COPB2: variants seen among roughly 807,000 people sequenced by gnomAD.
The protein encoded by COPB2 is coat protein complex I subunit beta 2.
A neutral mutation model predicts 120.8 loss-of-function variants in COPB2; 16 were observed. The observed-to-expected ratio is 0.13, with a 90% CI of 0.09 to 0.20. COPB2 has a LOEUF of 0.20. Among genes scored for constraint, COPB2 ranks in the 10% least tolerant of loss-of-function variants. The pLI is 1.00. For missense variants in COPB2, 794 were observed against 1,076.5 expected (o/e 0.74, Z 3.67); for synonymous variants, 332 against 366.3 (o/e 0.91, Z 1.07).
At chr3:139,367,241 G>A in intron 13 of COPB2, 96 bp from the exon 14 acceptor site, 2 of 1,358,544 alleles carry the variant, frequency 1.5e-6, no homozygotes, top group Non-Finnish European at 2.0e-6. Context: ...GCAGAATAAG[G>A]AATGCAAAGT....
intron 1 of COPB2, among the ~76,000 whole-genome samples, chr3:139,384,483 C>A (rs1392781296): frequency 6.6e-6 from 1 of 152,182 alleles, no homozygotes; most frequent in Admixed American, 6.5e-5. Context: ...GACCAGCCAA[C>A]CTCTTTCAGG....
At chr3:139,359,200 C>A in intron 18 of COPB2, 22 bp from the exon 19 acceptor site, 1 of 1,611,688 alleles carries the variant, frequency 6.2e-7, no homozygotes, top group Non-Finnish European at 8.5e-7. Context: ...ATCATGGAAC[C>A]AAAGAGAGAC....
At chr3:139,374,803 C>T (rs7636369) in intron 6 of COPB2, among the ~76,000 whole-genome samples, 136,003 of 152,178 alleles carry the variant, frequency 0.89, 61,541 homozygotes, top group East Asian at 0.97. Flanking sequence ...GTAACTATCA[C>T]ATTTAAAGAA....
Position 139,368,142 on chromosome 3 carries a change from T to C in COPB2, c.1545+3A>G, listed in dbSNP as rs375298424. ...AAAGCGAAAGTTGTGCTGATGCAAT[T>C]ACCTCAAAGGCATCTTCAATGCCAT... On this transcript the variant is annotated splice_donor_region_variant and intron_variant, in intron 13 of 21. Transcript: ENST00000333188. The C allele has an allele frequency of 3.1e-5, 50 of 1,608,180 alleles. No homozygotes were observed. In the African/African-American group the frequency reaches 5.2e-4, roughly 17 times the overall value.
intron 5 of COPB2, among the ~76,000 whole-genome samples, chr3:139,376,746 TAA>T (rs1941718953): frequency 6.6e-6 from 1 of 152,196 alleles, no homozygotes; most frequent in East Asian, 1.9e-4. Context: ...TTTAATTAAT[TAA>T]TTAATTTATT....
At chr3:139,371,880 A>G (rs780509307) in intron 9 of COPB2, 47 bp from the exon 10 acceptor site, 1 of 1,425,918 alleles carries the variant, frequency 7.0e-7, no homozygotes, top group Non-Finnish European at 9.8e-7. Context: ...GACCAAAGAC[A>G]TGTAGAAGTT....
chr3:139,386,672 C>G (rs772993135), intron 1 of COPB2, among the ~76,000 whole-genome samples: 4 of 152,048 alleles, frequency 2.6e-5, no homozygotes, highest in Non-Finnish European at 5.9e-5. Flanking sequence ...TATGAAGAGT[C>G]TATTATGTAC....
In COPB2 at chr3:139,358,230, C is replaced by T. The variant is rs994723101; in HGVS notation, c.2595G>A (p.Val865=). 6.2e-7 allele frequency: 1 copy of T among 1,613,966 alleles called. No individual in the cohort carries two copies. The highest frequency in any genetic ancestry group is 1.3e-5 in the African/African-American group (1 of 74,878). The change falls in exon 21 of 22, where the codon GTG becomes GTA. Residue 865 remains valine (V), a synonymous_variant. Transcript: ENST00000333188. ...CTTCTTTGTTGGCTGTGTGGGAGGC[C>T]ACAATAACCGGAGTAGGAGAAGCAG... ...GKPASPTPVI[V]ASHTANKEEK... is the part of the protein sequence containing the mutation.
chr3:139,358,194 A>G lies in COPB2; in HGVS notation c.2625+6T>C, dbSNP rs1169827904. On this transcript the variant is annotated splice_donor_region_variant and intron_variant, in intron 21 of 21. Coordinates refer to ENST00000333188, the MANE Select transcript of COPB2 (RefSeq NM_004766.3). ...GAGGGAGGTTTGAGTATGATGTCTGACCTACCTTTTCTTCTTTGTTGGCTG... is the reference window on the plus strand; with the variant it reads ...GAGGGAGGTTTGAGTATGATGTCTGGCCTACCTTTTCTTCTTTGTTGGCTG... 7 of 1,613,562 alleles carry G rather than the reference A, an allele frequency of 4.3e-6. No individual in the cohort carries two copies. Among genetic ancestry groups the G allele is most frequent in the Non-Finnish European group, 5.9e-6 (7 of 1,179,504 alleles).
At position 139,389,624 on chromosome 3, in the gene COPB2, CACTGACCGTCAGACTG is replaced by C; in HGVS notation, c.-90_-75del. On this transcript the variant is annotated 5_prime_UTR_variant, in exon 1 of 22. Transcript: ENST00000333188. ...AGGCCTTGAGATAAACCCACCGATC[CACTGACCGTCAGACTG>C]ACTGACGTGGAACTTCCGGGAGCCG... is the stretch of plus-strand genomic sequence containing the variant. 6.9e-7 allele frequency: 1 copy of C among 1,445,212 alleles called. No individual in the cohort carries two copies. The highest frequency in any genetic ancestry group is 1.8e-4 in the Middle Eastern group (1 of 5,544). The allele number at this position is 1,445,212 out of a possible 1,614,324, so 89.5% of individuals were successfully genotyped here. A position where few individuals can be genotyped will look rare whatever the true frequency, so the allele number is the denominator to read the frequency against.
chr3:139,378,256 C>A lies in COPB2; in HGVS notation c.356-67G>T, dbSNP rs186652269. ...TTTCACTTCATAACTAAGACACAGTCTTTAGAAGAAGCAAACCTAACACAA... is the reference window on the plus strand; with the variant it reads ...TTTCACTTCATAACTAAGACACAGTATTTAGAAGAAGCAAACCTAACACAA... On this transcript the variant is annotated intron_variant, in intron 4 of 21. Transcript: ENST00000333188. 171 of 1,410,632 alleles carry A rather than the reference C, an allele frequency of 1.2e-4. No individual in the cohort carries two copies. In the African/African-American group the frequency reaches 1.6e-3, roughly 13 times the overall value. The allele number at this position is 1,410,632 out of a possible 1,614,324, so 87.4% of individuals were successfully genotyped here.
At chr3:139,386,752 A>G (rs945501252) in intron 1 of COPB2, among the ~76,000 whole-genome samples, 1 of 152,184 alleles carries the variant, frequency 6.6e-6, no homozygotes, top group Non-Finnish European at 1.5e-5. Context: ...AGTAATGAGG[A>G]AATTGGACAC....
Position 139,374,595 on chromosome 3 carries a change from T to G in COPB2, c.652-7A>C. 2.5e-6 allele frequency: 4 copies of G among 1,608,254 alleles called. No homozygotes were observed. The highest frequency in any genetic ancestry group is 3.4e-6 in the Non-Finnish European group (4 of 1,175,688). ...TCTGCACACATGTTTTATTCTGTAA[T>G]TAAGACATAGAAAACATGTTTTATT... On this transcript the variant is annotated splice_polypyrimidine_tract_variant and splice_region_variant and intron_variant, in intron 6 of 21. Transcript: ENST00000333188.
chr3:139,375,144 G>A (rs900395572), intron 6 of COPB2, among the ~76,000 whole-genome samples: 2 of 152,130 alleles, frequency 1.3e-5, no homozygotes, highest in African/African-American at 4.8e-5. Flanking sequence ...CAAAATGGTT[G>A]GTAATTGTTG....
Position 139,369,303 on chromosome 3 carries a change from G to A in COPB2, c.1359C>T (p.Asp453=). The A allele has an allele frequency of 6.2e-7, 1 of 1,613,666 alleles. No homozygotes were observed. Among genetic ancestry groups the A allele is most frequent in the Non-Finnish European group, 8.5e-7 (1 of 1,179,762 alleles). The change falls in exon 12 of 22, where the codon GAC becomes GAT. Residue 453 remains aspartate (D), a synonymous_variant. Transcript: ENST00000333188. ...CAATTCTTCGTATGAGTTCTGTATT[G>A]TCCCAGTCATAGAAGGCTAAGCCAT... ...SVNGLAFYDW[D]NTELIRRIEI... is the part of the protein sequence containing the mutation.
intron 6 of COPB2, 37 bp downstream of exon 6, chr3:139,375,431 A>G (rs879379362): frequency 8.8e-6 from 14 of 1,593,762 alleles, no homozygotes; most frequent in Non-Finnish European, 1.1e-5. Context: ...TAAGAAACAT[A>G]TCTAACATAT....
intron 10 of COPB2, among the ~76,000 whole-genome samples, chr3:139,371,050 G>T (rs1451143795): frequency 6.6e-6 from 1 of 152,136 alleles, no homozygotes; most frequent in Non-Finnish European, 1.5e-5. Context: ...TAAAAAAACT[G>T]TGAAAATGTA....
At chr3:139,386,189 C>T (rs919600929) in intron 1 of COPB2, among the ~76,000 whole-genome samples, 1 of 152,114 alleles carries the variant, frequency 6.6e-6, no homozygotes, top group Admixed American at 6.6e-5. Flanking sequence ...AGTTCTCTGG[C>T]TCTTCTCTTC....
intron 1 of COPB2, 96 bp from the exon 2 acceptor site, chr3:139,383,531 T>G (rs1941852979): frequency 9.1e-7 from 1 of 1,095,214 alleles, no homozygotes; most frequent in Non-Finnish European, 1.2e-6. Context: ...TACAAAACAA[T>G]TCAGCTACTA....
Sources: allele counts gnomAD v4.1 joint callset (sites outside exome capture counted in the v4.1 genomes callset), GRCh38; gene constraint gnomAD v4.1.1; transcripts MANE v1.5; gene names NCBI Gene and HGNC (gene_info 2026-07-23, HGNC 2026-07-21).